Variants in NEXMIF observed in about 807,000 individuals in gnomAD.
NEXMIF encodes the protein neurite extension and migration factor, also known as XLMR protein related to neurite extension.
In NEXMIF, 8 loss-of-function variants were observed where a neutral mutation model predicts 62.1. The ratio of observed to expected loss-of-function variants is 0.13; its 90% CI spans 0.08 to 0.23. NEXMIF has a LOEUF of 0.23. Among genes scored for constraint, NEXMIF ranks in the 10% least tolerant of loss-of-function variants. NEXMIF has a pLI of 1.00. For missense variants in NEXMIF, 976 were observed against 1,113.3 expected, an observed-to-expected ratio of 0.88 and a Z score of 1.75; for synonymous variants, 404 against 416.6, an observed-to-expected ratio of 0.97 and a Z score of 0.37.
chrX:74,744,949 CT>C (rs1197750436), intron 2 of NEXMIF, among the ~76,000 whole-genome samples: 4 of 64,610 alleles, frequency 6.2e-5, no homozygotes, highest in Admixed American at 1.8e-4. Context: ...CTCTCTCTCT[CT>C]TCTCTCTCCT....
rs753405049 is a variant in NEXMIF at position 74,801,924 on chromosome X, G to A, written c.-47-56227C>T. Among the ~76,000 whole-genome samples the A allele has an allele frequency of 2.7e-5, 3 of 112,409 alleles. No individual in the cohort carries two copies. In the East Asian group the frequency reaches 8.5e-4, roughly 32 times the overall value. On this transcript the variant is annotated intron_variant, in intron 1 of 3. Coordinates refer to ENST00000055682, the MANE Select transcript of NEXMIF (RefSeq NM_001008537.3). ...AGGGAACATTGGTGCTAGTCTGGCA[G>A]TACTCCCTGTGGGCCTGTGGTTGTG...
chrX:74,845,098 G>T (rs919522321), intron 1 of NEXMIF, among the ~76,000 whole-genome samples: 2 of 111,628 alleles, frequency 1.8e-5, no homozygotes, highest in African/African-American at 6.5e-5. Flanking sequence ...GTGCTCCTAG[G>T]CTCCAGGAAA....
intron 1 of NEXMIF, among the ~76,000 whole-genome samples, chrX:74,796,209 T>TTATATATATATACATATATAATA (rs1556024038): frequency 0.44 from 20,597 of 46,292 alleles, 5,780 homozygotes; most frequent in Non-Finnish European, 0.64. Flanking sequence ...TACATATATA[T>TTATATATATATACATATATAATA]TATATATATA....
intron 1 of NEXMIF, among the ~76,000 whole-genome samples, chrX:74,921,517 T>C (rs182197405): frequency 5.2e-4 from 58 of 111,812 alleles, no homozygotes; most frequent in African/African-American, 1.7e-3. Flanking sequence ...GTGCTCTTTG[T>C]TTTTGTTTTT....
intron 1 of NEXMIF, among the ~76,000 whole-genome samples, chrX:74,755,029 G>C (rs1457160592): frequency 1.8e-5 from 2 of 111,899 alleles, no homozygotes; most frequent in African/African-American, 6.5e-5. Flanking sequence ...CTTAATATCA[G>C]GGTAGTTCCC....
chrX:74,883,023 C>A (rs890113271), intron 1 of NEXMIF, among the ~76,000 whole-genome samples: 6 of 111,747 alleles, frequency 5.4e-5, no homozygotes, highest in Admixed American at 4.8e-4. Context: ...ACTGCTGATA[C>A]CTAGGCAAAC....
At chrX:74,765,481 T>C (rs763197006) in intron 1 of NEXMIF, among the ~76,000 whole-genome samples, 2 of 111,932 alleles carry the variant, frequency 1.8e-5, no homozygotes, top group South Asian at 7.5e-4. Context: ...TGTTAGCTGG[T>C]TATTATGCCT....
rs757838225 is a variant in NEXMIF, at chrX:74,878,301, A to G, written c.-48+46582T>C. On this transcript the variant is annotated intron_variant, in intron 1 of 3. Transcript: ENST00000055682. ...GGTGTGCTTCCCAGTTAGGCTGCTCAGGGGTCAGGGGTCAGGGACCCACTT... is the reference window on the plus strand; with the variant it reads ...GGTGTGCTTCCCAGTTAGGCTGCTCGGGGGTCAGGGGTCAGGGACCCACTT... Among the ~76,000 whole-genome samples, 3 of 111,798 alleles carry G rather than the reference A, an allele frequency of 2.7e-5. 1 individual carries two copies. The highest frequency in any genetic ancestry group is 1.9e-4 in the Admixed American group (2 of 10,545).
At chrX:74,774,769 T>C (rs2080223842) in intron 1 of NEXMIF, among the ~76,000 whole-genome samples, 1 of 111,434 alleles carries the variant, frequency 9.0e-6, no homozygotes, top group South Asian at 3.8e-4. Flanking sequence ...AAGGCCAAGA[T>C]ACCACCAGTA....
intron 1 of NEXMIF, among the ~76,000 whole-genome samples, chrX:74,810,284 G>C (rs1241168255): frequency 9.0e-6 from 1 of 111,563 alleles, no homozygotes; most frequent in Non-Finnish European, 1.9e-5. Flanking sequence ...GAGATGTAGG[G>C]ATGGGGGCTT....
intron 1 of NEXMIF, among the ~76,000 whole-genome samples, chrX:74,842,397 C>G (rs879115311): frequency 1.8e-5 from 2 of 111,476 alleles, no homozygotes; most frequent in East Asian, 5.6e-4. Context: ...AGAGGCCTAT[C>G]TATCTTATTA....
chrX:74,871,594 C>A (rs1225515836), intron 1 of NEXMIF, among the ~76,000 whole-genome samples: 1 of 111,073 alleles, frequency 9.0e-6, no homozygotes, highest in Non-Finnish European at 1.9e-5. Context: ...GACAGACACT[C>A]CCAGAGCAGC....
intron 1 of NEXMIF, among the ~76,000 whole-genome samples, chrX:74,848,923 C>G (rs111677805): frequency 1.8e-3 from 199 of 111,934 alleles, no homozygotes; most frequent in Non-Finnish European, 2.6e-3. Context: ...AGGAAGTGAG[C>G]CCTCACCAGA....
intron 1 of NEXMIF, among the ~76,000 whole-genome samples, chrX:74,909,269 T>C (rs2080779430): frequency 9.0e-6 from 1 of 111,674 alleles, no homozygotes; most frequent in Non-Finnish European, 1.9e-5. Context: ...CTGACAGTGA[T>C]ATGAACAATA....
chrX:74,739,129 C>T lies in NEXMIF; in HGVS notation c.*276G>A, dbSNP rs893845453. On this transcript the variant is annotated 3_prime_UTR_variant, in exon 4 of 4. Coordinates refer to ENST00000055682, the MANE Select transcript of NEXMIF (RefSeq NM_001008537.3). The stretch of plus-strand genomic sequence containing the variant: ...TCTAGTAAATTAACAGGGACAACTT[C>T]CCCAAATACAACCAAATGTTGATAT... 5 of 189,569 alleles carry T rather than the reference C, an allele frequency of 2.6e-5. No homozygotes were observed. Among genetic ancestry groups the T allele is most frequent in the Non-Finnish European group, 3.8e-5 (4 of 104,857 alleles). 15.6% of individuals were successfully genotyped at this position (189,569 alleles called of 1,213,427 possible).
intron 1 of NEXMIF, among the ~76,000 whole-genome samples, chrX:74,871,251 C>A (rs1021978812): frequency 9.0e-6 from 1 of 110,989 alleles, no homozygotes; most frequent in Non-Finnish European, 1.9e-5. Flanking sequence ...ATTGGTAGGA[C>A]CATGATGGTG....
intron 1 of NEXMIF, among the ~76,000 whole-genome samples, chrX:74,811,306 C>T (rs764394364): frequency 9.9e-4 from 111 of 111,797 alleles, no homozygotes; most frequent in Non-Finnish European, 1.1e-3. Context: ...AATCTCATCT[C>T]CAAATATGAC....
Position 74,740,955 on chromosome X carries a change from A to T in NEXMIF, c.3602T>A (p.Leu1201His), listed in dbSNP as rs1355899136. ...TTCAATCCCCTTGTTGTTACCTTTG[A>T]GGGATTTTTTCCTGGTGTTTTTCTG... ...SSQKNTRKKS[L>H]KGNNKGIEKP... The change falls in exon 3 of 4, where the codon CTC becomes CAC. Residue 1201 changes from leucine (L) to histidine (H), a missense_variant. Leu to His is a moderately conservative substitution (Grantham distance 99, BLOSUM62 -3). Around this residue, in one of 5 missense-constraint regions of NEXMIF, gnomAD observed 639 missense variants for 694.5 expected, o/e 0.92. Coordinates refer to ENST00000055682, the MANE Select transcript of NEXMIF (RefSeq NM_001008537.3). 1 of 1,211,321 alleles carries T rather than the reference A, an allele frequency of 8.3e-7. No individual in the cohort carries two copies. Among genetic ancestry groups the T allele is most frequent in the Admixed American group, 2.2e-5 (1 of 46,000 alleles).
At chrX:74,833,743 T>C (rs949894756) in intron 1 of NEXMIF, among the ~76,000 whole-genome samples, 2 of 111,893 alleles carry the variant, frequency 1.8e-5, no homozygotes, top group African/African-American at 6.5e-5. Flanking sequence ...ATCCATTGCA[T>C]GTTTTTTGAT....
Sources: gnomAD v4.1 joint callset for allele counts (sites outside exome capture counted in the v4.1 genomes callset) on GRCh38, gnomAD v4.1.1 for gene constraint, gnomAD v4.1.1 regional missense constraint, MANE v1.5 for transcripts, NCBI Gene and HGNC (gene_info 2026-07-23, HGNC 2026-07-21) for gene names.